Variants in NAV3 observed in about 807,000 individuals in gnomAD.
The protein encoded by NAV3 is neuron navigator 3, also known as pore membrane and/or filament interacting like protein 1.
Under a neutral mutation model 244.7 loss-of-function variants are expected in NAV3, and 87 were observed. That is an observed-to-expected ratio of 0.36 (90% confidence interval 0.30 to 0.42). The LOEUF (loss-of-function observed/expected upper bound fraction) is 0.42. Ranked by LOEUF, NAV3 falls within the 20% of genes least tolerant of loss-of-function variation. The probability of loss-of-function intolerance (pLI) is 1.00; values close to 1 mark genes in which losing one functional copy is unlikely to be tolerated. For missense variants in NAV3, 2,663 were observed against 2,893.3 expected (o/e 0.92, Z 1.83); for synonymous variants, 1,126 against 1,042.2 (o/e 1.08, Z -1.55).
intron 1 of NAV3, among the ~76,000 whole-genome samples, chr12:77,880,793 A>T (rs1382714423): frequency 6.6e-6 from 1 of 152,144 alleles, no homozygotes; most frequent in Non-Finnish European, 1.5e-5. Flanking sequence ...CATAAGAACG[A>T]TAGCACATGT....
intron 2 of NAV3, among the ~76,000 whole-genome samples, chr12:77,778,473 A>G (rs977564629): frequency 1.4e-4 from 22 of 151,726 alleles, no homozygotes; most frequent in East Asian, 1.2e-3. Context: ...TTAGCCAGGC[A>G]TGGTGGCGGG....
chr12:77,967,968 T>C (rs979407230), intron 4 of NAV3, among the ~76,000 whole-genome samples: 1 of 152,192 alleles, frequency 6.6e-6, no homozygotes, highest in Non-Finnish European at 1.5e-5. Flanking sequence ...ATTTGGAGGA[T>C]ATATACATAC....
At chr12:77,645,518 T>C (rs1026193557) in intron 2 of NAV3, among the ~76,000 whole-genome samples, 12 of 121,410 alleles carry the variant, frequency 9.9e-5, no homozygotes, top group Non-Finnish European at 1.7e-4. Flanking sequence ...GGGGAATTCA[T>C]GGAGAGCTCT....
intron 2 of NAV3, among the ~76,000 whole-genome samples, chr12:77,734,964 A>T (rs1877276522): frequency 6.6e-6 from 1 of 152,162 alleles, no homozygotes; most frequent in Non-Finnish European, 1.5e-5. Context: ...AGTCAGATAT[A>T]ATTCATTTCA....
intron 1 of NAV3, among the ~76,000 whole-genome samples, chr12:77,864,467 G>T (rs1879711729): frequency 6.6e-6 from 1 of 151,886 alleles, no homozygotes; most frequent in South Asian, 2.1e-4. Context: ...GTAGGGCCTT[G>T]CCTTCCCAAT....
At chr12:78,070,962 T>C (rs2137620750) in intron 12 of NAV3, among the ~76,000 whole-genome samples, 1 of 146,910 alleles carries the variant, frequency 6.8e-6, no homozygotes, top group Non-Finnish European at 1.5e-5. Context: ...TTGTTGGACA[T>C]TTGGGTTGGT....
chr12:77,769,430 C>A (rs1373911998), intron 2 of NAV3, among the ~76,000 whole-genome samples: 3 of 152,172 alleles, frequency 2.0e-5, no homozygotes, highest in Non-Finnish European at 4.4e-5. Flanking sequence ...TTTCTGATAG[C>A]ACAATAGTGA....
intron 12 of NAV3, among the ~76,000 whole-genome samples, chr12:78,075,241 A>G (rs374823659): frequency 2.6e-5 from 4 of 152,104 alleles, no homozygotes; most frequent in East Asian, 1.9e-4. Context: ...TAAAAAGGGG[A>G]TTTAGAGTTT....
intron 2 of NAV3, among the ~76,000 whole-genome samples, chr12:77,706,870 C>CAAAAAAAAAAAAA (rs34067727): frequency 2.9e-5 from 2 of 68,036 alleles, no homozygotes; most frequent in African/African-American, 6.6e-5. Flanking sequence ...GACTCTGTTT[C>CAAAAAAAAAAAAA]AAAAAAAAAA....
chr12:77,633,942 A>T (rs1872037223), intron 2 of NAV3, among the ~76,000 whole-genome samples: 1 of 152,124 alleles, frequency 6.6e-6, no homozygotes, highest in African/African-American at 2.4e-5. Context: ...AATTGTTCAG[A>T]TCTTATTTTA....
In NAV3 at chr12:78,021,868, T is replaced by C. The variant is rs1264519020; in HGVS notation, c.2023+6T>C. 2 of 1,573,670 alleles carry C rather than the reference T, an allele frequency of 1.3e-6. No homozygotes were observed. The highest frequency in any genetic ancestry group is 1.4e-5 in the African/African-American group (1 of 73,832). ...GTGCCTGGAGGAGATATCTGGTAAGTGACCTCATCGATGCATAGGTCAAAC... is the reference window on the plus strand; with the variant it reads ...GTGCCTGGAGGAGATATCTGGTAAGCGACCTCATCGATGCATAGGTCAAAC... On this transcript the variant is annotated splice_donor_region_variant and intron_variant, in intron 9 of 39. Transcript: ENST00000397909.
intron 34 of NAV3, among the ~76,000 whole-genome samples, chr12:78,192,740 G>T (rs1249353254): frequency 6.6e-6 from 1 of 151,786 alleles, no homozygotes; most frequent in African/African-American, 2.4e-5. Context: ...AATCACAATA[G>T]CATTCATTCC....
At chr12:77,700,923 T>A (rs1210795545) in intron 2 of NAV3, among the ~76,000 whole-genome samples, 1 of 52,076 alleles carries the variant, frequency 1.9e-5, no homozygotes, top group Non-Finnish European at 5.8e-5. Flanking sequence ...AACTCTTTTA[T>A]ATTATATATT....
intron 16 of NAV3, among the ~76,000 whole-genome samples, chr12:78,125,110 A>G (rs542178173): frequency 6.6e-6 from 1 of 152,322 alleles, no homozygotes; most frequent in Admixed American, 6.5e-5. Flanking sequence ...AAGTAGATCT[A>G]GTGGGTGATA....
intron 12 of NAV3, among the ~76,000 whole-genome samples, chr12:78,080,776 G>C (rs1425471339): frequency 6.6e-6 from 1 of 152,218 alleles, no homozygotes; most frequent in African/African-American, 2.4e-5. Flanking sequence ...TTGTGGAATA[G>C]AATAGTATGT....
intron 2 of NAV3, among the ~76,000 whole-genome samples, chr12:77,692,165 A>G (rs1875063741): frequency 6.6e-6 from 1 of 152,066 alleles, no homozygotes; most frequent in South Asian, 2.1e-4. Flanking sequence ...AAAAAGAAGA[A>G]GTACTAGGAG....
intron 2 of NAV3, among the ~76,000 whole-genome samples, chr12:77,683,000 C>T (rs912566619): frequency 6.6e-6 from 1 of 152,070 alleles, no homozygotes; most frequent in Non-Finnish European, 1.5e-5. Flanking sequence ...AATTGCTATA[C>T]TGAGGCTTTT....
intron 2 of NAV3, among the ~76,000 whole-genome samples, chr12:77,610,481 A>G (rs967206019): frequency 2.0e-5 from 3 of 152,088 alleles, no homozygotes; most frequent in Admixed American, 6.6e-5. Flanking sequence ...CAGAACTGCA[A>G]TGTTGAAAGA....
At chr12:77,790,605 A>G (rs890496289) in intron 2 of NAV3, among the ~76,000 whole-genome samples, 3 of 152,058 alleles carry the variant, frequency 2.0e-5, no homozygotes. Context: ...ATCAGGGCCC[A>G]CCTTTGTACC....
Sources: allele counts gnomAD v4.1 joint callset (sites outside exome capture counted in the v4.1 genomes callset), GRCh38; gene constraint gnomAD v4.1.1; transcripts MANE v1.5; gene names NCBI Gene and HGNC (gene_info 2026-07-23, HGNC 2026-07-21).